CLVS1: variants seen among roughly 807,000 people sequenced by gnomAD.
The protein encoded by CLVS1 is clavesin 1.
A neutral mutation model predicts 33.1 loss-of-function variants in CLVS1; 10 were observed. The ratio of observed to expected loss-of-function variants is 0.30; its 90% confidence interval spans 0.19 to 0.51. The LOEUF is 0.51. Among genes scored for constraint, CLVS1 ranks in the 20% least tolerant of loss-of-function variants. The pLI is 0.97. For missense variants in CLVS1, 343 were observed against 433.4 expected (o/e 0.79, Z 1.85); for synonymous variants, 163 against 166.1 (o/e 0.98, Z 0.14).
At chr8:61,088,880 C>A (rs1450857131) in intron 1 of CLVS1, among the ~76,000 whole-genome samples, 5 of 151,348 alleles carry the variant, frequency 3.3e-5, no homozygotes, top group African/African-American at 1.2e-4. Flanking sequence ...CGGCTCACTG[C>A]AAGCTCCGCC....
intron 4 of CLVS1, among the ~76,000 whole-genome samples, chr8:61,456,969 G>T (rs1225222228): frequency 6.0e-5 from 9 of 149,260 alleles, no homozygotes; most frequent in African/African-American, 2.0e-4. Context: ...TTGGAGTCTT[G>T]TTCTGTTGCC....
At chr8:61,060,157 C>T (rs1044553152) in intron 1 of CLVS1, among the ~76,000 whole-genome samples, 51 of 152,120 alleles carry the variant, frequency 3.4e-4, no homozygotes, top group Non-Finnish European at 6.6e-4. Context: ...GCAGCTTAGT[C>T]CTTACCCTAA....
At chr8:60,994,397 G>A in the CLVS1 span, among the ~76,000 whole-genome samples, 1 of 152,204 alleles carries the variant, frequency 6.6e-6, no homozygotes, top group African/African-American at 2.4e-5. Flanking sequence ...GGTTGAACCA[G>A]AAACTGTATG....
intron 5 of CLVS1, among the ~76,000 whole-genome samples, chr8:61,468,735 A>AGAAAAAG (rs1554578172): frequency 2.2e-5 from 3 of 138,740 alleles, no homozygotes; most frequent in African/African-American, 9.2e-5. Context: ...AAAAAAAAAA[A>AGAAAAAG]AAAAGGTAGT....
intron 2 of CLVS1, among the ~76,000 whole-genome samples, chr8:61,164,391 C>G (rs114457898): frequency 0.026 from 3,994 of 152,312 alleles, 168 homozygotes; most frequent in African/African-American, 0.09. Context: ...AGCCCTGGCT[C>G]TTAAAGCTGG....
chr8:61,260,522 T>A (rs755727075), intron 2 of CLVS1, among the ~76,000 whole-genome samples: 5 of 152,158 alleles, frequency 3.3e-5, no homozygotes, highest in Non-Finnish European at 5.9e-5. Flanking sequence ...CTCCATCTCC[T>A]CTCCACCTCT....
At chr8:61,314,667 C>A (rs1644345929) in intron 2 of CLVS1, among the ~76,000 whole-genome samples, 1 of 152,304 alleles carries the variant, frequency 6.6e-6, no homozygotes, top group East Asian at 1.9e-4. Flanking sequence ...TGTGAACCAA[C>A]CATCCTGATG....
chr8:61,072,037 G>A (rs374420897), intron 1 of CLVS1, among the ~76,000 whole-genome samples: 24 of 152,324 alleles, frequency 1.6e-4, no homozygotes, highest in Admixed American at 3.3e-4. Context: ...AAGATGTTGC[G>A]CTGGCTTGCT....
At chr8:61,217,571 G>T (rs939326477) in intron 2 of CLVS1, among the ~76,000 whole-genome samples, 1 of 152,018 alleles carries the variant, frequency 6.6e-6, no homozygotes, top group Non-Finnish European at 1.5e-5. Flanking sequence ...CTTGATACTA[G>T]ACTTCATAAA....
intron 2 of CLVS1, among the ~76,000 whole-genome samples, chr8:61,179,106 C>T (rs1004622770): frequency 6.6e-6 from 1 of 152,078 alleles, no homozygotes; most frequent in Non-Finnish European, 1.5e-5. Context: ...AAACCCATCT[C>T]ACATGCAAAG....
chr8:61,063,600 G>A (rs973756127), intron 1 of CLVS1, among the ~76,000 whole-genome samples: 1 of 152,138 alleles, frequency 6.6e-6, no homozygotes, highest in African/African-American at 2.4e-5. Flanking sequence ...GGAGGTGAGG[G>A]ATTTGATCTG....
At chr8:61,213,785 C>G (rs1808023675) in intron 2 of CLVS1, among the ~76,000 whole-genome samples, 1 of 152,150 alleles carries the variant, frequency 6.6e-6, no homozygotes, top group South Asian at 2.1e-4. Context: ...GAAAAAAGAA[C>G]AGGATAACAG....
intron 2 of CLVS1, among the ~76,000 whole-genome samples, chr8:61,360,659 G>T (rs571143817): frequency 6.6e-6 from 1 of 152,222 alleles, no homozygotes; most frequent in Non-Finnish European, 1.5e-5. Flanking sequence ...TTTTGTTTTT[G>T]TTTTTAAAGT....
At chr8:61,238,380 G>T (rs1320056066) in intron 2 of CLVS1, among the ~76,000 whole-genome samples, 2 of 150,460 alleles carry the variant, frequency 1.3e-5, no homozygotes, top group African/African-American at 4.9e-5. Context: ...TCTTCTGACT[G>T]TCCCTCTCCT....
At chr8:61,250,431 G>A (rs1488110023) in intron 2 of CLVS1, among the ~76,000 whole-genome samples, 1 of 152,144 alleles carries the variant, frequency 6.6e-6, no homozygotes, top group African/African-American at 2.4e-5. Flanking sequence ...GAAGTTTAAA[G>A]TAGTTTTTTC....
rs556544148 is a variant in CLVS1 at position 61,193,626 on chromosome 8, C to T, written c.-152+61766C>T. ...TTTTCAGTGTACTGTAAGAAAACAA[C>T]CGCCAACTAAAATTTTCTACAAAGT... On this transcript the variant is annotated intron_variant, in intron 2 of 2. Coordinates refer to the CLVS1 transcript ENST00000522621. Among the ~76,000 whole-genome samples, 19 of 152,012 alleles carry T rather than the reference C, an allele frequency of 1.2e-4. No individual in the cohort carries two copies. In the East Asian group the frequency reaches 2.7e-3, roughly 22 times the overall value.
intron 2 of CLVS1, among the ~76,000 whole-genome samples, chr8:61,233,148 A>T (rs936325155): frequency 6.6e-6 from 1 of 152,236 alleles, no homozygotes; most frequent in Non-Finnish European, 1.5e-5. Flanking sequence ...TTAAGAGGAA[A>T]TTGTACCCAT....
At chr8:61,124,662 G>T (rs139783122) in intron 1 of CLVS1, among the ~76,000 whole-genome samples, 1 of 152,240 alleles carries the variant, frequency 6.6e-6, no homozygotes, top group East Asian at 1.9e-4. Flanking sequence ...TGGCTGATGA[G>T]CCTCAAACTC....
At chr8:61,408,312 A>G (rs1297824653) in intron 3 of CLVS1, among the ~76,000 whole-genome samples, 1 of 152,252 alleles carries the variant, frequency 6.6e-6, no homozygotes, top group African/African-American at 2.4e-5. Flanking sequence ...GCAGACATGC[A>G]AAGAACCAGG....
Sources: gnomAD v4.1 joint callset for allele counts (sites outside exome capture counted in the v4.1 genomes callset) on GRCh38, gnomAD v4.1.1 for gene constraint, MANE v1.5 for transcripts, NCBI Gene and HGNC (gene_info 2026-07-23, HGNC 2026-07-21) for gene names.